Variants in FHIT observed in about 807,000 individuals in gnomAD.
FHIT encodes fragile histidine triad diadenosine triphosphatase.
FHIT carries 19 observed loss-of-function variants against 17.9 expected under a neutral mutation model. The observed-to-expected ratio is 1.06, with a 90% confidence interval of 0.74 to 1.56. The LOEUF (loss-of-function observed/expected upper bound fraction) is 1.56. FHIT is among the 40% of genes most tolerant of loss of function. The probability of loss-of-function intolerance (pLI) is 0.00; values close to 1 mark genes in which losing one functional copy is unlikely to be tolerated. For synonymous variants in FHIT, 81 were observed against 69.7 expected, an observed-to-expected ratio of 1.16 and a Z score of -0.81; for missense variants, 248 against 189.2, an observed-to-expected ratio of 1.31 and a Z score of -1.82.
chr3:60,570,848 C>G (rs1396498039), intron 4 of FHIT, among the ~76,000 whole-genome samples: 1 of 149,320 alleles, frequency 6.7e-6, no homozygotes, highest in Non-Finnish European at 1.5e-5. Context: ...ACTGTCAACA[C>G]AAAAATGAAA....
At chr3:60,975,807 C>T (rs1032970113) in intron 3 of FHIT, among the ~76,000 whole-genome samples, 1 of 152,070 alleles carries the variant, frequency 6.6e-6, no homozygotes, top group Non-Finnish European at 1.5e-5. Context: ...AAAAGCAATC[C>T]CTAAATTGTC....
chr3:60,298,249 A>C (rs182823612), intron 5 of FHIT, among the ~76,000 whole-genome samples: 40 of 152,196 alleles, frequency 2.6e-4, no homozygotes, highest in Admixed American at 7.9e-4. Flanking sequence ...CCAGACCTTC[A>C]GACCCTCTCC....
At chr3:61,078,375 G>T (rs1010565473) in intron 2 of FHIT, among the ~76,000 whole-genome samples, 59 of 152,044 alleles carry the variant, frequency 3.9e-4, no homozygotes, top group African/African-American at 1.4e-3. Flanking sequence ...CTACTCTGTG[G>T]CACATTTTCC....
At chr3:61,063,235 G>A (rs1289817720) in intron 2 of FHIT, among the ~76,000 whole-genome samples, 4 of 129,548 alleles carry the variant, frequency 3.1e-5, no homozygotes, top group South Asian at 2.4e-4. Context: ...CAGCCTGAGC[G>A]ACAGAGCGAG....
intron 3 of FHIT, among the ~76,000 whole-genome samples, chr3:60,955,635 C>CATATATATATACAT (rs1553778580): frequency 6.2e-5 from 3 of 48,344 alleles, no homozygotes; most frequent in Admixed American, 2.5e-4. Flanking sequence ...TATATATATA[C>CATATATATATACAT]ACACACACAC....
At chr3:61,006,778 T>C (rs1489319478) in intron 3 of FHIT, among the ~76,000 whole-genome samples, 2 of 152,062 alleles carry the variant, frequency 1.3e-5, no homozygotes, top group Non-Finnish European at 2.9e-5. Context: ...GAATAAAGCA[T>C]CTTTACTCCA....
At chr3:60,542,250 G>C (rs144162641) in intron 4 of FHIT, among the ~76,000 whole-genome samples, 12 of 152,246 alleles carry the variant, frequency 7.9e-5, no homozygotes, top group African/African-American at 2.9e-4. Flanking sequence ...TAGTGCTGTA[G>C]AGCTAGCTTG....
intron 8 of FHIT, among the ~76,000 whole-genome samples, chr3:59,848,962 CAG>C (rs1701825465): frequency 6.6e-6 from 1 of 152,324 alleles, no homozygotes; most frequent in South Asian, 2.1e-4. Flanking sequence ...GATCCTAAAA[CAG>C]AATAAATCCT....
chr3:60,683,158 T>C (rs1279713699), intron 4 of FHIT, among the ~76,000 whole-genome samples: 1 of 152,214 alleles, frequency 6.6e-6, no homozygotes, highest in East Asian at 1.9e-4. Context: ...CTGAAGAAGA[T>C]GTTATGAACA....
At chr3:60,846,895 C>T (rs2106891796) in intron 3 of FHIT, among the ~76,000 whole-genome samples, 1 of 152,128 alleles carries the variant, frequency 6.6e-6, no homozygotes, top group East Asian at 1.9e-4. Context: ...ATGATCTCAG[C>T]TCACTGCAAC....
intron 5 of FHIT, among the ~76,000 whole-genome samples, chr3:60,298,382 G>A (rs375442812): frequency 6.6e-6 from 1 of 151,984 alleles, no homozygotes; most frequent in South Asian, 2.1e-4. Context: ...TATCATATTA[G>A]CATTAAAAAA....
chr3:60,743,296 T>A (rs1553714367), intron 4 of FHIT, among the ~76,000 whole-genome samples: 1 of 152,178 alleles, frequency 6.6e-6, no homozygotes, highest in East Asian at 1.9e-4. Flanking sequence ...TTGATCTAAT[T>A]ATTGTTGTAC....
intron 5 of FHIT, among the ~76,000 whole-genome samples, chr3:60,141,938 T>C (rs190244759): frequency 5.8e-4 from 88 of 152,312 alleles, no homozygotes; most frequent in African/African-American, 2.0e-3. Flanking sequence ...GAACGCCAAG[T>C]GTCAGAGTTT....
At chr3:61,075,770 T>A (rs1362486636) in intron 2 of FHIT, among the ~76,000 whole-genome samples, 3 of 152,148 alleles carry the variant, frequency 2.0e-5, no homozygotes, top group Non-Finnish European at 2.9e-5. Context: ...AAGTATTCGT[T>A]CACTGCCTTC....
intron 5 of FHIT, among the ~76,000 whole-genome samples, chr3:60,388,326 A>C (rs1034534790): frequency 6.6e-6 from 1 of 152,216 alleles, no homozygotes; most frequent in African/African-American, 2.4e-5. Flanking sequence ...CTAGCCAGGC[A>C]TGGTGGCTCA....
At chr3:60,192,181 G>T (rs1702429304) in intron 5 of FHIT, among the ~76,000 whole-genome samples, 1 of 151,682 alleles carries the variant, frequency 6.6e-6, no homozygotes, top group East Asian at 2.0e-4. Flanking sequence ...AGCCCGGGAG[G>T]CGGAGGTTGC....
intron 5 of FHIT, among the ~76,000 whole-genome samples, chr3:60,503,294 G>A (rs1243838393): frequency 6.6e-6 from 1 of 152,170 alleles, no homozygotes; most frequent in Non-Finnish European, 1.5e-5. Context: ...TCAATGAGTA[G>A]TAGCAAAATG....
chr3:59,961,615 C>T (rs191847863), intron 7 of FHIT, among the ~76,000 whole-genome samples: 39 of 152,206 alleles, frequency 2.6e-4, no homozygotes, highest in African/African-American at 7.0e-4. Context: ...TGGGCTGGAG[C>T]GCACCATTCC....
At chr3:60,746,018 A>C (rs77300490) in intron 4 of FHIT, among the ~76,000 whole-genome samples, 1 of 152,326 alleles carries the variant, frequency 6.6e-6, no homozygotes, top group East Asian at 1.9e-4. Context: ...ATAACAAGCA[A>C]GTTTTCAGTC....
Sources: allele counts gnomAD v4.1 joint callset (sites outside exome capture counted in the v4.1 genomes callset), GRCh38; gene constraint gnomAD v4.1.1; transcripts MANE v1.5; gene names NCBI Gene and HGNC (gene_info 2026-07-23, HGNC 2026-07-21).